The following SPIDR variants were observed in gnomAD, a reference collection of about 807,000 sequenced individuals.
SPIDR encodes DNA repair-scaffolding protein.
Under a neutral mutation model 104.6 loss-of-function variants are expected in SPIDR, and 93 were observed. The observed-to-expected ratio is 0.89, with a 90% CI of 0.75 to 1.06. SPIDR has a LOEUF of 1.06. Ranked by LOEUF, SPIDR falls within the 50% of genes least tolerant of loss-of-function variation. SPIDR has a pLI of 0.00. For missense variants in SPIDR, 1,154 were observed against 1,111.2 expected (o/e 1.04, Z -0.55); for synonymous variants, 431 against 416.9 (o/e 1.03, Z -0.41).
intron 14 of SPIDR, among the ~76,000 whole-genome samples, chr8:47,712,195 T>C (rs1174976147): frequency 2.0e-5 from 3 of 152,214 alleles, no homozygotes; most frequent in Non-Finnish European, 2.9e-5. Flanking sequence ...TAAAACCTGT[T>C]GCAGATGCAA....
At chr8:47,567,105 G>C (rs944707120) in intron 8 of SPIDR, among the ~76,000 whole-genome samples, 15 of 152,110 alleles carry the variant, frequency 9.9e-5, no homozygotes, top group Non-Finnish European at 1.5e-4. Context: ...GTATAAGATA[G>C]GGAGTTCTGT....
At chr8:47,306,431 G>A (rs1264627279) in intron 5 of SPIDR, among the ~76,000 whole-genome samples, 3 of 152,140 alleles carry the variant, frequency 2.0e-5, no homozygotes, top group South Asian at 2.1e-4. Context: ...ATGAGCCACC[G>A]AGCCCGGCTA....
chr8:47,712,556 G>A, intron 14 of SPIDR, 106 bp from the exon 15 acceptor site: 1 of 1,253,780 alleles, frequency 8.0e-7, no homozygotes, highest in Non-Finnish European at 1.1e-6. Context: ...AAGTGTTTTT[G>A]AAATAATATC....
intron 10 of SPIDR, among the ~76,000 whole-genome samples, chr8:47,649,538 C>T (rs371940793): frequency 6.6e-6 from 1 of 152,068 alleles, no homozygotes; most frequent in African/African-American, 2.4e-5. Context: ...AGGACATTAC[C>T]AGGGCAATGG....
chr8:47,591,385 A>G (rs1019322188), intron 8 of SPIDR, among the ~76,000 whole-genome samples: 1 of 151,690 alleles, frequency 6.6e-6, no homozygotes, highest in Non-Finnish European at 1.5e-5. Context: ...GTTTCCGTGA[A>G]GTATAGAAAC....
Position 47,357,515 on chromosome 8 carries a change from C to T in SPIDR, c.526-38861C>T, listed in dbSNP as rs141629401. Among the ~76,000 whole-genome samples the T allele has an allele frequency of 3.8e-3, 582 of 152,312 alleles. 3 individuals are homozygous for T. Among genetic ancestry groups the T allele is most frequent in the South Asian group, 0.022 (107 of 4,826 alleles). On this transcript the variant is annotated intron_variant, in intron 5 of 19. Coordinates refer to ENST00000297423, the MANE Select transcript of SPIDR (RefSeq NM_001080394.4). The stretch of plus-strand genomic sequence containing the variant: ...GCTTAGATGGCCAAGAGAAGAAATT[C>T]GCTCAAATCAAACTTCTTTATTTAT...
At chr8:47,289,659 G>A (rs926215365) in intron 3 of SPIDR, among the ~76,000 whole-genome samples, 3 of 152,254 alleles carry the variant, frequency 2.0e-5, no homozygotes, top group South Asian at 2.1e-4. Context: ...TACATTGCAG[G>A]TGTGTAGTAA....
At chr8:47,713,103 G>A (rs146110927) in intron 15 of SPIDR, 2 of 1,140,232 alleles carry the variant, frequency 1.8e-6, no homozygotes, top group African/African-American at 1.5e-5. Context: ...ATTGCCTGCT[G>A]GTGGCACCCC....
chr8:47,280,877 T>C (rs1339619679), intron 2 of SPIDR, among the ~76,000 whole-genome samples: 1 of 152,212 alleles, frequency 6.6e-6, no homozygotes, highest in South Asian at 2.1e-4. Flanking sequence ...ACCTTTCTAC[T>C]TCTTTGTTTG....
intron 10 of SPIDR, among the ~76,000 whole-genome samples, chr8:47,636,456 G>A (rs1473437380): frequency 6.6e-6 from 1 of 152,162 alleles, no homozygotes; most frequent in Non-Finnish European, 1.5e-5. Context: ...ATAAAAAACT[G>A]GAAGTGATTA....
chr8:47,487,961 C>G (rs965979499), intron 8 of SPIDR, among the ~76,000 whole-genome samples: 1 of 151,974 alleles, frequency 6.6e-6, no homozygotes, highest in Non-Finnish European at 1.5e-5. Context: ...TAAGCAAGAG[C>G]GAACACATTC....
At chr8:47,454,001 A>G (rs2072433256) in intron 8 of SPIDR, among the ~76,000 whole-genome samples, 1 of 152,198 alleles carries the variant, frequency 6.6e-6, no homozygotes, top group Non-Finnish European at 1.5e-5. Context: ...GGATGTGGAG[A>G]AATAGGAACA....
At chr8:47,352,850 T>G (rs2154282263) in intron 5 of SPIDR, among the ~76,000 whole-genome samples, 1 of 152,088 alleles carries the variant, frequency 6.6e-6, no homozygotes, top group South Asian at 2.1e-4. Context: ...GGTTGAGAGA[T>G]CGAGACCATC....
At position 47,735,484 on chromosome 8, in the gene SPIDR, G is replaced by A; in HGVS notation, c.*34G>A. 1 of 1,614,084 alleles carries A rather than the reference G, an allele frequency of 6.2e-7. No individual in the cohort carries two copies. The highest frequency in any genetic ancestry group is 1.1e-5 in the South Asian group (1 of 91,080). On this transcript the variant is annotated 3_prime_UTR_variant, in exon 20 of 20. Transcript: ENST00000297423. Reference sequence around the variant, plus strand: ...GCAGGATCTGTGAACTTTGCAATGTGGCTGCAAGGGTGGTGGTGGTGGTGG... The same window carrying A: ...GCAGGATCTGTGAACTTTGCAATGTAGCTGCAAGGGTGGTGGTGGTGGTGG...
chr8:47,691,883 C>T (rs2078707502), intron 11 of SPIDR, among the ~76,000 whole-genome samples: 1 of 152,208 alleles, frequency 6.6e-6, no homozygotes, highest in Admixed American at 6.5e-5. Context: ...AGCCACTGGG[C>T]TCGCTCCCAA....
chr8:47,378,458 G>C (rs2058933261), intron 5 of SPIDR, among the ~76,000 whole-genome samples: 2 of 152,164 alleles, frequency 1.3e-5, no homozygotes, highest in Admixed American at 1.3e-4. Context: ...GCCTTTCTTT[G>C]TAATTGCAGC....
At chr8:47,380,216 T>A (rs1192965076) in intron 5 of SPIDR, among the ~76,000 whole-genome samples, 3 of 152,236 alleles carry the variant, frequency 2.0e-5, no homozygotes, top group Middle Eastern at 6.3e-3. Context: ...GTGCTGCCCC[T>A]GCCTGGGCCT....
intron 5 of SPIDR, among the ~76,000 whole-genome samples, chr8:47,319,934 A>G (rs1305745761): frequency 6.6e-6 from 1 of 151,962 alleles, no homozygotes; most frequent in Non-Finnish European, 1.5e-5. Flanking sequence ...AATCTCTGGG[A>G]CACATTCAAA....
chr8:47,653,483 T>C (rs989378728), intron 10 of SPIDR, among the ~76,000 whole-genome samples: 2 of 150,714 alleles, frequency 1.3e-5, no homozygotes, highest in Non-Finnish European at 3.0e-5. Context: ...TTAGTGTAGA[T>C]CCCTCCTTCC....
Sources: allele counts gnomAD v4.1 joint callset (sites outside exome capture counted in the v4.1 genomes callset), GRCh38; gene constraint gnomAD v4.1.1; transcripts MANE v1.5; gene names NCBI Gene and HGNC (gene_info 2026-07-23, HGNC 2026-07-21).